Variants in PCDH15 observed in about 807,000 individuals in gnomAD.
PCDH15 encodes protocadherin-15.
PCDH15 carries 129 observed loss-of-function variants against 178.5 expected under a neutral mutation model. The ratio of observed to expected loss-of-function variants is 0.72; its 90% CI spans 0.63 to 0.84. The LOEUF (loss-of-function observed/expected upper bound fraction) is 0.84. PCDH15 is among the 40% of genes least tolerant of loss of function. PCDH15 has a pLI of 0.00. For synonymous variants in PCDH15, 800 were observed against 732.0 expected, an observed-to-expected ratio of 1.09 and a Z score of -1.50; for missense variants, 2,230 against 2,099.9, an observed-to-expected ratio of 1.06 and a Z score of -1.21.
At position 55,517,519 on chromosome 10, in the gene PCDH15, GT is replaced by G. The variant is rs1841046732; in HGVS notation, c.-156+110105del. Among the ~76,000 whole-genome samples the G allele has an allele frequency of 2.0e-5, 3 of 152,120 alleles. No individual in the cohort carries two copies. In the South Asian group the frequency reaches 6.2e-4, roughly 32 times the overall value. ...TACTAAAATTATACATTGGCATAAA[GT>G]TTTAGTAAATAAAAAATAAGCTGGT... On this transcript the variant is annotated intron_variant, in intron 2 of 5. Coordinates refer to the PCDH15 transcript ENST00000613346.
At chr10:54,837,224 A>G (rs556334003) in intron 3 of PCDH15, among the ~76,000 whole-genome samples, 10 of 152,286 alleles carry the variant, frequency 6.6e-5, no homozygotes, top group Admixed American at 2.0e-4. Context: ...GAATTTGTAG[A>G]GGAATGAAAT....
chr10:54,221,742 A>G (rs947257101), intron 9 of PCDH15, among the ~76,000 whole-genome samples: 1 of 152,124 alleles, frequency 6.6e-6, no homozygotes. Context: ...AGCTGGGATT[A>G]CAGGTGCCCA....
intron 16 of PCDH15, among the ~76,000 whole-genome samples, 154 bp downstream of exon 16, chr10:54,089,830 C>G (rs2094570678): frequency 6.6e-6 from 1 of 152,148 alleles, no homozygotes; most frequent in South Asian, 2.1e-4. Flanking sequence ...TTTCTGGGCT[C>G]AGAATTATCC....
chr10:54,226,026 G>C (rs1204569410), intron 9 of PCDH15, among the ~76,000 whole-genome samples: 1 of 152,160 alleles, frequency 6.6e-6, no homozygotes, highest in African/African-American at 2.4e-5. Flanking sequence ...CAGTGAGAAA[G>C]AAAGAGAGAG....
chr10:53,826,164 T>C (rs920317739), intron 32 of PCDH15, among the ~76,000 whole-genome samples: 2 of 151,890 alleles, frequency 1.3e-5, no homozygotes, highest in African/African-American at 4.8e-5. Context: ...AACAATCATT[T>C]TTCAACTTAC....
At chr10:54,272,518 G>GA (rs5785053) in intron 8 of PCDH15, among the ~76,000 whole-genome samples, 113,284 of 151,948 alleles carry the variant, frequency 0.75, 43,404 homozygotes, top group African/African-American at 0.85. Context: ...AGGAAGAGGG[G>GA]TACTTTTTGT....
intron 34 of PCDH15, among the ~76,000 whole-genome samples, chr10:53,817,211 G>T (rs2076091148): frequency 6.6e-6 from 1 of 152,100 alleles, no homozygotes; most frequent in Non-Finnish European, 1.5e-5. Context: ...AATCCAATTA[G>T]GTCGTATACT....
intron 3 of PCDH15, among the ~76,000 whole-genome samples, chr10:54,810,309 G>A (rs1351484885): frequency 2.6e-5 from 4 of 151,948 alleles, no homozygotes; most frequent in Admixed American, 2.6e-4. Flanking sequence ...ATATACCAAA[G>A]AACAATTCCA....
intron 15 of PCDH15, among the ~76,000 whole-genome samples, chr10:54,110,181 T>A (rs1590512882): frequency 6.6e-6 from 1 of 151,666 alleles, no homozygotes; most frequent in South Asian, 2.1e-4. Context: ...AAAGCATGAG[T>A]GGAGTGAGGA....
chr10:53,885,009 G>A (rs1034828482), intron 26 of PCDH15, among the ~76,000 whole-genome samples: 7 of 152,038 alleles, frequency 4.6e-5, no homozygotes, highest in African/African-American at 7.2e-5. Context: ...GAGCTGCTTC[G>A]TTTTTCAATA....
intron 2 of PCDH15, among the ~76,000 whole-genome samples, chr10:55,062,576 G>A (rs1841459796): frequency 6.6e-6 from 1 of 152,178 alleles, no homozygotes; most frequent in Admixed American, 6.5e-5. Context: ...ATTGCCTGAG[G>A]TTGAAGGGAA....
rs748083366 is a variant in PCDH15, at chr10:53,857,258, G to A, written c.3723C>T (p.Ser1241=). 4.3e-6 allele frequency: 7 copies of A among 1,609,488 alleles called. No homozygotes were observed. The highest frequency in any genetic ancestry group is 1.1e-5 in the South Asian group (1 of 90,950). The change falls in exon 28 of 38, where the codon TCC becomes TCT. Residue 1241 remains serine, a synonymous_variant. Transcript: ENST00000644397. The part of the protein sequence containing the change: ...GLSGKADVLV[S]VVNQLDMQVI... ...CTTGCATATCCAGCTGATTGACCAC[G>A]GAGACCTGAAAGAAGAAAAAACAGA...
chr10:54,427,171 C>A (rs554026571), intron 3 of PCDH15, among the ~76,000 whole-genome samples: 2 of 150,196 alleles, frequency 1.3e-5, no homozygotes, highest in African/African-American at 4.9e-5. Context: ...CCACAGCTAT[C>A]AAGTTTGTTT....
At chr10:55,472,989 C>T (rs937048136) in intron 2 of PCDH15, among the ~76,000 whole-genome samples, 2 of 151,944 alleles carry the variant, frequency 1.3e-5, no homozygotes, top group Non-Finnish European at 2.9e-5. Context: ...TATACATGTA[C>T]CCTGCTAATA....
chr10:55,038,917 A>C (rs1161030386), intron 2 of PCDH15, among the ~76,000 whole-genome samples: 1 of 152,204 alleles, frequency 6.6e-6, no homozygotes, highest in Non-Finnish European at 1.5e-5. Flanking sequence ...GTAAAAAAAG[A>C]ATAGTTTATT....
chr10:54,025,794 G>C (rs540543062), intron 18 of PCDH15, among the ~76,000 whole-genome samples: 46 of 152,182 alleles, frequency 3.0e-4, no homozygotes, highest in Non-Finnish European at 4.0e-4. Flanking sequence ...ACTGCGCCTG[G>C]CCATTTCTTC....
At chr10:55,584,367 A>T (rs1170433029) in intron 2 of PCDH15, among the ~76,000 whole-genome samples, 6 of 150,934 alleles carry the variant, frequency 4.0e-5, no homozygotes, top group Admixed American at 2.0e-4. Context: ...TAAAAAAAAA[A>T]AATCAATTAG....
At chr10:55,316,018 A>C (rs943166000) in intron 1 of PCDH15, among the ~76,000 whole-genome samples, 8 of 152,192 alleles carry the variant, frequency 5.3e-5, no homozygotes, top group Non-Finnish European at 7.3e-5. Context: ...TCCTTCTAAA[A>C]ACAAAACAAA....
intron 1 of PCDH15, among the ~76,000 whole-genome samples, chr10:55,300,611 A>G (rs978070624): frequency 1.3e-5 from 2 of 152,178 alleles, no homozygotes; most frequent in African/African-American, 2.4e-5. Context: ...TATCTAAATA[A>G]TGATGAGATT....
Sources: allele counts gnomAD v4.1 joint callset (sites outside exome capture counted in the v4.1 genomes callset), GRCh38; gene constraint gnomAD v4.1.1; transcripts MANE v1.5; gene names NCBI Gene and HGNC (gene_info 2026-07-23, HGNC 2026-07-21).